RC3H1: variants seen among roughly 807,000 people sequenced by gnomAD.
RC3H1 encodes ring finger and CCCH-type domains 1, also known as roquin-1.
In RC3H1, 50 loss-of-function variants were observed where a neutral mutation model predicts 138.2. The ratio of observed to expected loss-of-function variants is 0.36; its 90% CI spans 0.29 to 0.46. The LOEUF (loss-of-function observed/expected upper bound fraction) is 0.46. Ranked by LOEUF, RC3H1 falls within the 20% of genes least tolerant of loss-of-function variation. The pLI, the probability that RC3H1 is intolerant of heterozygous loss-of-function variation, is 1.00. For synonymous variants in RC3H1, 462 were observed against 489.1 expected (o/e 0.94, Z 0.73); for missense variants, 1,031 against 1,388.1 (o/e 0.74, Z 4.09).
chr1:174,011,999 C>T (rs1404792188), intron 1 of RC3H1, among the ~76,000 whole-genome samples: 6 of 151,974 alleles, frequency 3.9e-5, no homozygotes, highest in Admixed American at 3.3e-4. Flanking sequence ...TAGCTTGAGC[C>T]GAGAAGTTCG....
intron 2 of RC3H1, among the ~76,000 whole-genome samples, chr1:173,985,101 A>G (rs539876378): frequency 1.9e-3 from 292 of 152,332 alleles, no homozygotes; most frequent in Non-Finnish European, 3.0e-3. Flanking sequence ...TCTTTCACTT[A>G]ACAATGTGTT....
chr1:174,012,510 A>G (rs1379426433), intron 1 of RC3H1, among the ~76,000 whole-genome samples: 3 of 152,100 alleles, frequency 2.0e-5, no homozygotes, highest in Non-Finnish European at 2.9e-5. Flanking sequence ...AGAGCCGGGC[A>G]CAGTGGCTCA....
Position 173,932,070 on chromosome 1 carries a change from C to T in RC3H1, c.*6651G>A, listed in dbSNP as rs1658401850. On this transcript the variant is annotated 3_prime_UTR_variant, in exon 20 of 20. Coordinates refer to ENST00000367696, the MANE Select transcript of RC3H1 (RefSeq NM_172071.4). ...CTATCCAAAAGTGTAAGTGATTTCA[C>T]TTACAACCTGACTCAAATCTCATGG... 2 of 152,056 alleles carry T rather than the reference C, an allele frequency of 1.3e-5. No homozygotes were observed. The highest frequency in any genetic ancestry group is 4.8e-5 in the African/African-American group (2 of 41,404). The allele number at this position is 152,056 out of a possible 1,614,324, so 9.4% of individuals were successfully genotyped here. A position where few individuals can be genotyped will look rare whatever the true frequency, so the allele number is the denominator to read the frequency against.
At chr1:173,981,159 G>A (rs1049612613) in intron 5 of RC3H1, 150 bp from the exon 6 acceptor site, 1 of 655,438 alleles carries the variant, frequency 1.5e-6, no homozygotes, top group Non-Finnish European at 2.6e-6. Flanking sequence ...TCCTTAACTT[G>A]TTGAGGTAGG....
chr1:173,994,323 G>A (rs1049401325), intron 1 of RC3H1, among the ~76,000 whole-genome samples: 6 of 151,960 alleles, frequency 3.9e-5, no homozygotes, highest in Admixed American at 3.3e-4. Context: ...AACCCAGGAG[G>A]TGGAGGTTGC....
At position 173,992,062 on chromosome 1, in the gene RC3H1, G is replaced by C. The variant is rs193178679; in HGVS notation, c.231+693C>G. 1.8e-3 allele frequency among the ~76,000 whole-genome samples: 281 copies of C among 152,250 alleles called. 1 individual carries two copies. Among genetic ancestry groups the C allele is most frequent in the African/African-American group, 6.4e-3 (265 of 41,538 alleles). On this transcript the variant is annotated intron_variant, in intron 2 of 19. Coordinates refer to ENST00000367696, the MANE Select transcript of RC3H1 (RefSeq NM_172071.4). ...CTGAGTAAAACTGCCTGAAGCAGCT[G>C]CACCTTCTCTACTGAGTAAAGTGCA...
chr1:173,965,138 G>T lies in RC3H1; in HGVS notation c.1335-18C>A. ...TACGAAATCTATATAAAAAGCATAG[G>T]CACATATCAAAAAGCAAATATAAAA... On this transcript the variant is annotated intron_variant, in intron 9 of 19. Coordinates refer to ENST00000367696, the MANE Select transcript of RC3H1 (RefSeq NM_172071.4). 1 of 1,573,038 alleles carries T rather than the reference G, an allele frequency of 6.4e-7. No homozygotes were observed. Among genetic ancestry groups the T allele is most frequent in the Non-Finnish European group, 8.6e-7 (1 of 1,163,622 alleles).
chr1:173,958,663 A>T (rs1423428575), intron 13 of RC3H1, among the ~76,000 whole-genome samples: 1 of 152,214 alleles, frequency 6.6e-6, no homozygotes, highest in African/African-American at 2.4e-5. Flanking sequence ...ATCACTGTAG[A>T]CCATCTAGAC....
rs1338263555 is a variant in RC3H1, at chr1:174,000,975, C to A, written c.-150-7840G>T. ...CAAAATGTATGGACTGAATTGTAAC[C>A]CTATATATACAAAATCCTGGATGTA... On this transcript the variant is annotated intron_variant, in intron 1 of 19. Transcript: ENST00000367696. Among the ~76,000 whole-genome samples the A allele has an allele frequency of 2.0e-5, 3 of 152,066 alleles. No homozygotes were observed. The East Asian group carries it at 5.8e-4, about 29-fold the overall frequency.
At chr1:174,012,056 C>T (rs954323218) in intron 1 of RC3H1, among the ~76,000 whole-genome samples, 13 of 152,006 alleles carry the variant, frequency 8.6e-5, no homozygotes, top group African/African-American at 3.1e-4. Context: ...ACAAAAAATA[C>T]AAAAATTAGC....
At chr1:173,981,833 G>A (rs1660833196) in intron 5 of RC3H1, among the ~76,000 whole-genome samples, 1 of 152,094 alleles carries the variant, frequency 6.6e-6, no homozygotes, top group Admixed American at 6.6e-5. Context: ...CCAGAAGGCA[G>A]AGGATGCAGT....
intron 13 of RC3H1, among the ~76,000 whole-genome samples, chr1:173,956,019 T>A (rs1659628917): frequency 6.6e-6 from 1 of 150,784 alleles, no homozygotes; most frequent in Non-Finnish European, 1.5e-5. Flanking sequence ...TAATCCCAGC[T>A]ACTCAGGAGG....
At chr1:173,999,243 G>T (rs548193688) in intron 1 of RC3H1, among the ~76,000 whole-genome samples, 2 of 152,162 alleles carry the variant, frequency 1.3e-5, no homozygotes, top group South Asian at 4.1e-4. Context: ...ACAAAAATTA[G>T]CAGGCACATG....
chr1:173,950,107 T>G (rs1659324650), intron 14 of RC3H1, among the ~76,000 whole-genome samples: 2 of 151,920 alleles, frequency 1.3e-5, no homozygotes, highest in South Asian at 2.1e-4. Context: ...ATGCAGAGGT[T>G]GTAGTGAGCT....
intron 7 of RC3H1, among the ~76,000 whole-genome samples, chr1:173,974,221 A>G (rs1373881110): frequency 7.2e-6 from 1 of 139,622 alleles, no homozygotes; most frequent in Non-Finnish European, 1.5e-5. Context: ...CGGAGGTTGC[A>G]GTGAGCTGAG....
chr1:173,947,375 T>C lies in RC3H1; in HGVS notation c.2731A>G (p.Ile911Val), dbSNP rs1351253690. ...PQGAPTKSIN[I>V]SDYSPYGTHG... The stretch of plus-strand genomic sequence containing the variant: ...TTACCTCTGAGATTCTTACCTGAAA[T>C]GTTAATAGATTTTGTAGGAGCTCCC... Residue 911 changes from isoleucine to valine, a missense_variant, in exon 15 of 20, where the codon ATT becomes GTT. This residue lies in a region of RC3H1 where 716 missense variants were observed against 837.9 expected (regional missense o/e 0.85). Coordinates refer to ENST00000367696, the MANE Select transcript of RC3H1 (RefSeq NM_172071.4). The C allele has an allele frequency of 6.8e-6, 11 of 1,610,724 alleles. No homozygotes were observed. The highest frequency in any genetic ancestry group is 9.3e-6 in the Non-Finnish European group (11 of 1,177,148).
rs570218157 is a variant in RC3H1, at chr1:173,932,538, A to T, written c.*6183T>A. 25 of 152,256 alleles carry T rather than the reference A, an allele frequency of 1.6e-4. No individual in the cohort carries two copies. Among genetic ancestry groups the T allele is most frequent in the Middle Eastern group, 3.4e-3 (1 of 294 alleles). The allele number at this position is 152,256 out of a possible 1,614,324, so 9.4% of individuals were successfully genotyped here. ...GACCTGTGGACTAATTAATTTTTTT[A>T]AAAAAGTTCCTTTTATTCCCAGGAA... On this transcript the variant is annotated 3_prime_UTR_variant, in exon 20 of 20. Transcript: ENST00000367696.
At chr1:173,966,199 G>GATGATAACATCATC (rs1660108754) in intron 9 of RC3H1, among the ~76,000 whole-genome samples, 2 of 152,140 alleles carry the variant, frequency 1.3e-5, no homozygotes, top group African/African-American at 4.8e-5. Flanking sequence ...CAGAGATGCT[G>GATGATAACATCATC]ATGTTATGTA....
At position 173,987,520 on chromosome 1, in the gene RC3H1, G is replaced by C. The variant is rs1166061204; in HGVS notation, c.232-2901C>G. 2.0e-5 allele frequency among the ~76,000 whole-genome samples: 3 copies of C among 152,052 alleles called. No homozygotes were observed. In the East Asian group the frequency reaches 5.8e-4, roughly 29 times the overall value. On this transcript the variant is annotated intron_variant, in intron 2 of 19. Transcript: ENST00000367696. ...TTTGAATACTTCTCTATACTTTCCA[G>C]TGCTACAAGCTACTCCAGACTCATT...
Sources: allele counts gnomAD v4.1 joint callset (sites outside exome capture counted in the v4.1 genomes callset), GRCh38; gene constraint gnomAD v4.1.1; regional missense constraint gnomAD v4.1.1; transcripts MANE v1.5; gene names NCBI Gene and HGNC (gene_info 2026-07-23, HGNC 2026-07-21).